TNIK: variants seen among roughly 807,000 people sequenced by gnomAD.
TNIK encodes TRAF2 and NCK-interacting protein kinase.
Under a neutral mutation model 191.3 loss-of-function variants are expected in TNIK, and 49 were observed. That is an observed-to-expected ratio of 0.26 (90% confidence interval 0.20 to 0.32). The LOEUF (loss-of-function observed/expected upper bound fraction) is 0.32. Ranked by LOEUF, TNIK falls within the 10% of genes least tolerant of loss-of-function variation. The probability of loss-of-function intolerance (pLI) is 1.00; values close to 1 mark genes in which losing one functional copy is unlikely to be tolerated. For missense variants in TNIK, 1,155 were observed against 1,702.3 expected (o/e 0.68, Z 5.66); for synonymous variants, 594 against 600.9 (o/e 0.99, Z 0.17).
intron 2 of TNIK, among the ~76,000 whole-genome samples, chr3:171,255,868 C>T (rs1746791922): frequency 6.6e-6 from 1 of 152,080 alleles, no homozygotes; most frequent in South Asian, 2.1e-4. Flanking sequence ...TCTAGGCCCT[C>T]TATGGTTTTG....
chr3:171,150,540 C>T, intron 12 of TNIK, among the ~76,000 whole-genome samples: 1 of 152,172 alleles, frequency 6.6e-6, no homozygotes, highest in East Asian at 1.9e-4. Context: ...AATGAAATTT[C>T]ATGCAGCCAC....
At chr3:171,068,671 ATTAG>A (rs1453360921) in intron 30 of TNIK, among the ~76,000 whole-genome samples, 173 bp downstream of exon 30, 4 of 152,244 alleles carry the variant, frequency 2.6e-5, no homozygotes, top group African/African-American at 9.6e-5. Context: ...AGTCATAAAA[ATTAG>A]TTAAATTTAT....
chr3:171,305,605 A>G lies in TNIK; in HGVS notation c.123+64015T>C, dbSNP rs1432303468. Reference sequence around the variant, plus strand: ...AGATATACATGTGGCCAGCAAATATATGAAAAAACGCTCAATATCACTAAC... The same window carrying G: ...AGATATACATGTGGCCAGCAAATATGTGAAAAAACGCTCAATATCACTAAC... On this transcript the variant is annotated intron_variant, in intron 2 of 32. Coordinates refer to ENST00000436636, the MANE Select transcript of TNIK (RefSeq NM_015028.4). Among the ~76,000 whole-genome samples, 3 of 152,216 alleles carry G rather than the reference A, an allele frequency of 2.0e-5. No individual in the cohort carries two copies. In the East Asian group the frequency reaches 5.8e-4, roughly 29 times the overall value.
At chr3:171,356,821 T>C (rs1714148467) in intron 2 of TNIK, among the ~76,000 whole-genome samples, 1 of 152,184 alleles carries the variant, frequency 6.6e-6, no homozygotes, top group African/African-American at 2.4e-5. Context: ...ATCTAACTTA[T>C]GGGGTTACTG....
intron 2 of TNIK, among the ~76,000 whole-genome samples, chr3:171,295,706 C>T (rs1752215123): frequency 6.6e-6 from 1 of 152,206 alleles, no homozygotes; most frequent in African/African-American, 2.4e-5. Flanking sequence ...CTGGAGGCCA[C>T]GGTATTGTTT....
At chr3:171,350,251 T>C (rs1309324320) in intron 2 of TNIK, among the ~76,000 whole-genome samples, 1 of 152,162 alleles carries the variant, frequency 6.6e-6, no homozygotes, top group South Asian at 2.1e-4. Context: ...AACCTCTGTA[T>C]TTGTTCCAGA....
chr3:171,062,007 CATA>C lies in TNIK; in HGVS notation c.*1871_*1873del, dbSNP rs1371427629. The C allele has an allele frequency of 6.6e-6, 1 of 152,106 alleles. No homozygotes were observed. The highest frequency in any genetic ancestry group is 1.5e-5 in the Non-Finnish European group (1 of 68,014). 9.4% of individuals were successfully genotyped at this position (152,106 alleles called of 1,614,324 possible). A position where few individuals can be genotyped will look rare whatever the true frequency, so the allele number is the denominator to read the frequency against. On this transcript the variant is annotated 3_prime_UTR_variant, in exon 33 of 33. Transcript: ENST00000436636. ...ATGACAACCACCTTTTCAGGAGGGG[CATA>C]ATAATGTAATCCAGAAACTAGAATG...
intron 22 of TNIK, among the ~76,000 whole-genome samples, chr3:171,098,616 CATTTCT>C (rs1375792276): frequency 6.6e-6 from 1 of 152,120 alleles, no homozygotes; most frequent in Non-Finnish European, 1.5e-5. Flanking sequence ...GCTGGTGCTC[CATTTCT>C]GAGAAGCTTC....
intron 2 of TNIK, among the ~76,000 whole-genome samples, chr3:171,257,569 T>C (rs928263247): frequency 3.3e-5 from 5 of 152,200 alleles, no homozygotes; most frequent in African/African-American, 1.2e-4. Flanking sequence ...ATCTGGCTTC[T>C]CAGAATGGAA....
rs371896093 is a variant in TNIK at position 171,139,192 on chromosome 3, G to A, written c.1419+278C>T. Among the ~76,000 whole-genome samples, 34 of 152,222 alleles carry A rather than the reference G, an allele frequency of 2.2e-4. No homozygotes were observed. The South Asian group carries it at 7.1e-3, about 32-fold the overall frequency. ...GCAGTTTGTACTTATAATAAGGCTGGATTTATATTCAAGTTGTACAAATAA... is the reference window on the plus strand; with the variant it reads ...GCAGTTTGTACTTATAATAAGGCTGAATTTATATTCAAGTTGTACAAATAA... On this transcript the variant is annotated intron_variant, in intron 14 of 32. Coordinates refer to ENST00000436636, the MANE Select transcript of TNIK (RefSeq NM_015028.4).
intron 2 of TNIK, among the ~76,000 whole-genome samples, chr3:171,309,049 A>C (rs1415206730): frequency 2.6e-5 from 4 of 152,162 alleles, no homozygotes; most frequent in Non-Finnish European, 5.9e-5. Flanking sequence ...CCATTACAGC[A>C]TATATACCCA....
At chr3:171,270,177 C>T (rs1748905568) in intron 2 of TNIK, among the ~76,000 whole-genome samples, 2 of 152,158 alleles carry the variant, frequency 1.3e-5, no homozygotes. Flanking sequence ...TACTCAGATA[C>T]TGCCACAGTT....
chr3:171,278,007 G>A (rs1749968582), intron 2 of TNIK, among the ~76,000 whole-genome samples: 1 of 152,172 alleles, frequency 6.6e-6, no homozygotes, highest in Non-Finnish European at 1.5e-5. Context: ...CAGCAGGGGT[G>A]ACAGAACAAG....
chr3:171,139,409 CACACAA>C (rs1730490398), intron 14 of TNIK, 55 bp downstream of exon 14: 53 of 1,483,566 alleles, frequency 3.6e-5, no homozygotes, highest in Non-Finnish European at 4.4e-5. Flanking sequence ...CACACACACA[CACACAA>C]ACACTTGCAA....
intron 25 of TNIK, 116 bp downstream of exon 25, chr3:171,085,002 G>T: frequency 2.9e-6 from 2 of 685,886 alleles, no homozygotes; most frequent in Non-Finnish European, 4.6e-6. Flanking sequence ...TTCCTTTTAA[G>T]ATAGGACCTA....
rs147151970 is a variant in TNIK at position 171,435,068 on chromosome 3, G to A, written c.57+24939C>T. 1.1e-4 allele frequency among the ~76,000 whole-genome samples: 17 copies of A among 152,288 alleles called. No homozygotes were observed. In the East Asian group the frequency reaches 3.3e-3, roughly 29 times the overall value. On this transcript the variant is annotated intron_variant, in intron 1 of 32. Coordinates refer to ENST00000436636, the MANE Select transcript of TNIK (RefSeq NM_015028.4). ...TGTAGGGACCTGATACGTTTATTCT[G>A]TGATTCTCCTGGCTTTCCCCTCATG...
intron 2 of TNIK, among the ~76,000 whole-genome samples, chr3:171,304,548 G>GTAAAAAACAT (rs1277299338): frequency 1.3e-5 from 2 of 152,174 alleles, no homozygotes; most frequent in Non-Finnish European, 2.9e-5. Flanking sequence ...CTGCTTTAAA[G>GTAAAAAACAT]ACACATGCAT....
At chr3:171,450,042 A>T (rs1186018907) in intron 1 of TNIK, among the ~76,000 whole-genome samples, 2 of 151,704 alleles carry the variant, frequency 1.3e-5, no homozygotes, top group Non-Finnish European at 2.9e-5. Context: ...TCTCAAACAT[A>T]AAAAAAAAAT....
chr3:171,245,449 G>A (rs1027073785), intron 2 of TNIK, among the ~76,000 whole-genome samples: 1 of 151,452 alleles, frequency 6.6e-6, no homozygotes, highest in Admixed American at 6.6e-5. Flanking sequence ...AAAAATAAAA[G>A]AAACAACATT....
Sources: allele counts gnomAD v4.1 joint callset (sites outside exome capture counted in the v4.1 genomes callset), GRCh38; gene constraint gnomAD v4.1.1; transcripts MANE v1.5; gene names NCBI Gene and HGNC (gene_info 2026-07-23, HGNC 2026-07-21).